TRMT9B: variants seen among roughly 807,000 people sequenced by gnomAD.
The protein encoded by TRMT9B is tRNA methyltransferase 9B (putative), also known as probable tRNA methyltransferase 9B.
A neutral mutation model predicts 11.5 loss-of-function variants in TRMT9B; 16 were observed. The ratio of observed to expected loss-of-function variants is 1.39; its 90% CI spans 0.94 to 2.11. The LOEUF (loss-of-function observed/expected upper bound fraction) is 2.11. Among genes scored for constraint, TRMT9B ranks in the 30% most tolerant of loss-of-function variants. The pLI is 0.00. For synonymous variants in TRMT9B, 274 were observed against 192.4 expected (o/e 1.42, Z -3.51); for missense variants, 941 against 553.8 (o/e 1.70, Z -7.02).
rs1279800851 is a variant in TRMT9B at position 13,028,579 on chromosome 8, T to TC, written c.*6535_*6536insC. ...GCACTTTTCTCTTTTCTTTTCTTTTTTTTTTTTTTTTTTTGAGACAGTGTC... is the reference window on the plus strand; with the variant it reads ...GCACTTTTCTCTTTTCTTTTCTTTTTCTTTTTTTTTTTTTTGAGACAGTGTC... On this transcript the variant is annotated 3_prime_UTR_variant, in exon 5 of 5. Transcript: ENST00000524591. 66 of 93,080 alleles carry TC rather than the reference T, an allele frequency of 7.1e-4. No individual in the cohort carries two copies. The highest frequency in any genetic ancestry group is 2.2e-3 in the African/African-American group (61 of 27,866). 5.8% of individuals were successfully genotyped at this position (93,080 alleles called of 1,614,324 possible). A position where few individuals can be genotyped will look rare whatever the true frequency, so the allele number is the denominator to read the frequency against.
intron 1 of TRMT9B, 39 bp downstream of exon 1, chr8:12,946,005 A>C (rs1453952967): frequency 6.6e-6 from 1 of 152,064 alleles, no homozygotes; most frequent in Non-Finnish European, 1.5e-5. Context: ...TTTAGTTGTG[A>C]TATTTGTGAT....
chr8:12,958,056 G>T (rs928960157), intron 1 of TRMT9B, among the ~76,000 whole-genome samples: 1 of 152,098 alleles, frequency 6.6e-6, no homozygotes, highest in Non-Finnish European at 1.5e-5. Context: ...ACATACCCGA[G>T]ACTGGGTGAT....
At chr8:12,960,322 C>T (rs1801928960) in intron 1 of TRMT9B, 1 of 152,190 alleles carries the variant, frequency 6.6e-6, no homozygotes, top group African/African-American at 2.4e-5. Context: ...CAAAAGCTAC[C>T]TGACAATCAG....
intron 1 of TRMT9B, among the ~76,000 whole-genome samples, chr8:12,976,296 T>C (rs1804435019): frequency 6.6e-6 from 1 of 152,080 alleles, no homozygotes; most frequent in Non-Finnish European, 1.5e-5. Flanking sequence ...CATTTCACCA[T>C]CGTAAAAGGC....
rs535808972 is a variant in TRMT9B at position 12,997,946 on chromosome 8, G to C, written c.-2+6915G>C. On this transcript the variant is annotated intron_variant, in intron 2 of 4. Transcript: ENST00000524591. ...TGTTTTCCATTTTACCCATTCTTTT[G>C]TATAGGTGGTGGGATCCTATTGTGG... Among the ~76,000 whole-genome samples the C allele has an allele frequency of 4.5e-4, 69 of 152,174 alleles. 1 individual carries two copies. Among genetic ancestry groups the C allele is most frequent in the African/African-American group, 1.6e-3 (67 of 41,538 alleles).
chr8:13,012,574 C>G, intron 3 of TRMT9B, 110 bp from the exon 4 acceptor site: 2 of 1,356,738 alleles, frequency 1.5e-6, no homozygotes, highest in South Asian at 1.6e-5. Flanking sequence ...GACTCTGTCT[C>G]AAAATAAATA....
In TRMT9B at chr8:13,012,825, A is replaced by G. The variant is rs1811905233; in HGVS notation, c.296A>G (p.Asp99Gly). The G allele has an allele frequency of 1.2e-6, 2 of 1,613,772 alleles. No individual in the cohort carries two copies. The highest frequency in any genetic ancestry group is 4.5e-5 in the East Asian group (2 of 44,860). Residue 99 changes from aspartate (D) to glycine (G), a missense_variant, in exon 4 of 5, where the codon GAT (aspartate) becomes GGT (glycine). By Grantham distance (94) the Asp-to-Gly change is moderately conservative. Transcript: ENST00000524591. The part of the protein sequence containing the change: ...VCDNLNLPFR[D>G]EGFDAIISIG... ...GACAACCTTAATCTCCCCTTTAGGG[A>G]TGAGGGCTTCGATGCCATCATCTCC...
At chr8:12,998,942 G>A (rs939224399) in intron 2 of TRMT9B, among the ~76,000 whole-genome samples, 1 of 152,102 alleles carries the variant, frequency 6.6e-6, no homozygotes, top group East Asian at 1.9e-4. Flanking sequence ...TGTGGCTGTT[G>A]GATATATATG....
intron 1 of TRMT9B, among the ~76,000 whole-genome samples, chr8:12,953,314 G>A (rs1800876290): frequency 6.6e-6 from 1 of 152,092 alleles, no homozygotes; most frequent in African/African-American, 2.4e-5. Flanking sequence ...ATCAGCAAAT[G>A]GAAGCCTTTA....
At chr8:12,991,376 T>C (rs1315948631) in intron 2 of TRMT9B, among the ~76,000 whole-genome samples, 1 of 152,218 alleles carries the variant, frequency 6.6e-6, no homozygotes, top group East Asian at 1.9e-4. Context: ...TTGCATGTAT[T>C]AAAAAGTAAA....
At chr8:12,964,582 C>T (rs1339111488) in intron 1 of TRMT9B, among the ~76,000 whole-genome samples, 1 of 151,910 alleles carries the variant, frequency 6.6e-6, no homozygotes, top group African/African-American at 2.4e-5. Context: ...TTTGCTTGTT[C>T]GTTTGTTTTT....
At chr8:13,007,186 G>A (rs1810638539) in intron 3 of TRMT9B, 1 of 152,234 alleles carries the variant, frequency 6.6e-6, no homozygotes, top group African/African-American at 2.4e-5. Flanking sequence ...GATTATGGAA[G>A]AGGTCCAGTA....
Position 13,021,167 on chromosome 8 carries a change from C to T in TRMT9B, c.488C>T (p.Ala163Val). The T allele has an allele frequency of 1.2e-6, 2 of 1,613,856 alleles. No homozygotes were observed. The highest frequency in any genetic ancestry group is 1.1e-5 in the South Asian group (1 of 91,066). ...GACGTGCTTGTTCCATGGAACAGGG[C>T]TCTGTGTTCCCAGCTCTTCTCAGAG... Reference protein sequence around the residue: ...KQDVLVPWNRALCSQLFSESS... With the variant: ...KQDVLVPWNRVLCSQLFSESS... The change falls in exon 5 of 5, where the codon GCT becomes GTT. Residue 163 changes from alanine (A) to valine (V), a missense_variant. By Grantham distance (64) the Ala-to-Val change is moderately conservative. Transcript: ENST00000524591.
chr8:12,981,299 A>G (rs553857977), intron 1 of TRMT9B, among the ~76,000 whole-genome samples: 1 of 152,324 alleles, frequency 6.6e-6, no homozygotes, highest in Non-Finnish European at 1.5e-5. Context: ...CAGAGAAGTC[A>G]TTGGCTGGCT....
At chr8:12,962,705 G>T (rs1395066633) in intron 1 of TRMT9B, among the ~76,000 whole-genome samples, 3 of 152,122 alleles carry the variant, frequency 2.0e-5, no homozygotes, top group African/African-American at 7.2e-5. Context: ...TGTCCAGGCT[G>T]GTCTGGAACT....
At chr8:12,979,965 A>T (rs1299127386) in intron 1 of TRMT9B, among the ~76,000 whole-genome samples, 6 of 152,148 alleles carry the variant, frequency 3.9e-5, no homozygotes, top group Non-Finnish European at 1.5e-5. Flanking sequence ...TGTGGCCAGG[A>T]CACTGTCACC....
In TRMT9B at chr8:13,010,309, G is replaced by T. The variant is rs1407409249; in HGVS notation, c.155-2375G>T. ...GTCATATTTTCATTGCAAAATGAAA[G>T]ATGCATTTTAATGAAATTGAAGTTA... is the stretch of plus-strand genomic sequence containing the variant. On this transcript the variant is annotated intron_variant, in intron 3 of 4. Coordinates refer to ENST00000524591, the MANE Select transcript of TRMT9B (RefSeq NM_020844.3). 10 of 943,908 alleles carry T rather than the reference G, an allele frequency of 1.1e-5. No homozygotes were observed. In the African/African-American group the frequency reaches 1.4e-4, roughly 13 times the overall value. 58.5% of individuals were successfully genotyped at this position (943,908 alleles called of 1,614,324 possible). A position where few individuals can be genotyped will look rare whatever the true frequency, so the allele number is the denominator to read the frequency against.
At chr8:13,004,030 A>C (rs576129264) in intron 2 of TRMT9B, among the ~76,000 whole-genome samples, 41 of 151,966 alleles carry the variant, frequency 2.7e-4, no homozygotes, top group Non-Finnish European at 5.1e-4. Flanking sequence ...CACCGTATCG[A>C]ACTCAGTGCT....
At chr8:13,010,234 T>C in intron 3 of TRMT9B, 1 of 876,680 alleles carries the variant, frequency 1.1e-6, no homozygotes, top group Non-Finnish European at 1.4e-6. Flanking sequence ...CCAATTTGTA[T>C]CTTTTGAATT....
Sources: gnomAD v4.1 joint callset for allele counts (sites outside exome capture counted in the v4.1 genomes callset) on GRCh38, gnomAD v4.1.1 for gene constraint, MANE v1.5 for transcripts, NCBI Gene and HGNC (gene_info 2026-07-23, HGNC 2026-07-21) for gene names.